The following RNF125 variants were observed in gnomAD, a reference collection of about 807,000 sequenced individuals.
RNF125 encodes E3 ubiquitin-protein ligase RNF125.
Under a neutral mutation model 26.0 loss-of-function variants are expected in RNF125, and 21 were observed. The ratio of observed to expected loss-of-function variants is 0.81; its 90% CI spans 0.57 to 1.16. RNF125 has a LOEUF of 1.16. Among genes scored for constraint, RNF125 ranks in the 50% most tolerant of loss-of-function variants. The pLI, the probability that RNF125 is intolerant of heterozygous loss-of-function variation, is 0.00. For missense variants in RNF125, 270 were observed against 299.4 expected (o/e 0.90, Z 0.72); for synonymous variants, 95 against 109.2 (o/e 0.87, Z 0.81).
At chr18:32,028,016 C>T (rs2039053572) in intron 1 of RNF125, among the ~76,000 whole-genome samples, 1 of 151,768 alleles carries the variant, frequency 6.6e-6, no homozygotes, top group South Asian at 2.1e-4. Flanking sequence ...GGGCAGTAGT[C>T]GGCCGGGCGC....
intron 1 of RNF125, among the ~76,000 whole-genome samples, chr18:32,027,566 C>G (rs1208043559): frequency 1.3e-5 from 2 of 152,014 alleles, no homozygotes; most frequent in Non-Finnish European, 2.9e-5. Flanking sequence ...TTTGACCAGG[C>G]ACTATAGGCA....
At chr18:32,061,091 C>G (rs1488660550) in intron 4 of RNF125, among the ~76,000 whole-genome samples, 1 of 152,156 alleles carries the variant, frequency 6.6e-6, no homozygotes, top group Non-Finnish European at 1.5e-5. Context: ...GTGGTGCGAT[C>G]TCGGCTCACT....
chr18:32,040,188 T>C (rs2039202261), intron 2 of RNF125, among the ~76,000 whole-genome samples: 1 of 151,992 alleles, frequency 6.6e-6, no homozygotes, highest in South Asian at 2.1e-4. Flanking sequence ...GCACTCTCTG[T>C]GTTCTTCAGA....
intron 1 of RNF125, among the ~76,000 whole-genome samples, chr18:32,031,642 A>AT (rs1180425571): frequency 6.6e-6 from 1 of 152,116 alleles, no homozygotes; most frequent in Non-Finnish European, 1.5e-5. Context: ...CATTTGAACC[A>AT]TTTGTCATAA....
rs535458806 is a variant in RNF125, at chr18:32,067,901, C to T, written c.613-397C>T. 1.8e-4 allele frequency among the ~76,000 whole-genome samples: 28 copies of T among 152,286 alleles called. No homozygotes were observed. In the South Asian group the frequency reaches 1.9e-3, roughly 10 times the overall value. ...AAAGTTTTGTTTTTAACATTTTCTT[C>T]AGAAGTAGCCATTCAGTGGTACTGC... On this transcript the variant is annotated intron_variant, in intron 5 of 5. Coordinates refer to ENST00000217740, the MANE Select transcript of RNF125 (RefSeq NM_017831.4).
intron 1 of RNF125, 33 bp downstream of exon 1, chr18:32,019,060 C>T (rs376558869): frequency 3.1e-6 from 5 of 1,604,840 alleles, no homozygotes; most frequent in African/African-American, 1.3e-5. Context: ...TTGCGCCCAC[C>T]CCTAAGGAGG....
intron 1 of RNF125, among the ~76,000 whole-genome samples, chr18:32,025,641 G>A (rs900169358): frequency 1.2e-4 from 16 of 138,790 alleles, no homozygotes; most frequent in Non-Finnish European, 1.7e-4. Context: ...TCTAGCCTGG[G>A]TGACAAGAGT....
At chr18:32,087,832 C>T in the RNF125 span, among the ~76,000 whole-genome samples, 6 of 152,150 alleles carry the variant, frequency 3.9e-5, no homozygotes, top group Non-Finnish European at 8.8e-5. Context: ...GTATTCTTGT[C>T]TTTCCCTCAG....
the RNF125 span, among the ~76,000 whole-genome samples, chr18:32,081,286 A>G: frequency 3.3e-5 from 5 of 152,338 alleles, no homozygotes; most frequent in Non-Finnish European, 7.3e-5. Flanking sequence ...TTTTAAGCAA[A>G]TACCATGGTG....
At chr18:32,036,006 T>C (rs908476933) in intron 1 of RNF125, among the ~76,000 whole-genome samples, 1 of 151,770 alleles carries the variant, frequency 6.6e-6, no homozygotes, top group African/African-American at 2.4e-5. Context: ...CACAAAAAAT[T>C]GGCCAGGCGT....
At chr18:32,033,395 G>A (rs1035184168) in intron 1 of RNF125, among the ~76,000 whole-genome samples, 6 of 151,958 alleles carry the variant, frequency 3.9e-5, no homozygotes. Context: ...GAACATGGTG[G>A]CACATGCATG....
At chr18:32,041,855 C>G in intron 2 of RNF125, 2 of 208,154 alleles carry the variant, frequency 9.6e-6, no homozygotes, top group African/African-American at 2.6e-5. Context: ...TGGTCTCGAT[C>G]TCCTGACCTC....
At chr18:32,023,499 G>C (rs1598806261) in intron 1 of RNF125, among the ~76,000 whole-genome samples, 1 of 152,246 alleles carries the variant, frequency 6.6e-6, no homozygotes, top group Non-Finnish European at 1.5e-5. Context: ...GATTTTGTAA[G>C]GGAACCATAT....
At chr18:32,041,678 T>G (rs2039219765) in intron 2 of RNF125, 1 of 122,238 alleles carries the variant, frequency 8.2e-6, no homozygotes, top group Non-Finnish European at 1.6e-5. Context: ...TCGCCCAGGC[T>G]GGAGTGCAGT....
At chr18:32,081,410 TA>T in the RNF125 span, among the ~76,000 whole-genome samples, 17 of 152,152 alleles carry the variant, frequency 1.1e-4, no homozygotes, top group Non-Finnish European at 1.5e-4. Context: ...ATGAAGTATT[TA>T]AATATAGAGA....
intron 3 of RNF125, among the ~76,000 whole-genome samples, chr18:32,044,179 G>C (rs898506947): frequency 6.6e-6 from 1 of 151,888 alleles, no homozygotes; most frequent in Non-Finnish European, 1.5e-5. Flanking sequence ...GCTAATTTTT[G>C]TGTTTTTAGT....
the RNF125 span, among the ~76,000 whole-genome samples, chr18:32,078,794 T>TGAA: frequency 2.0e-5 from 3 of 152,302 alleles, no homozygotes; most frequent in East Asian, 5.8e-4. Flanking sequence ...GTTTCTAAGG[T>TGAA]TTTAGGAAAT....
chr18:32,028,135 A>G (rs1261238276), intron 1 of RNF125, among the ~76,000 whole-genome samples: 4 of 151,500 alleles, frequency 2.6e-5, no homozygotes, highest in Non-Finnish European at 5.9e-5. Flanking sequence ...CGTCTCTACT[A>G]AAAATACAAA....
At chr18:32,034,068 A>T (rs764035651) in intron 1 of RNF125, among the ~76,000 whole-genome samples, 21 of 152,108 alleles carry the variant, frequency 1.4e-4, no homozygotes, top group Non-Finnish European at 2.5e-4. Context: ...TAGTTATCAC[A>T]GATGCACACA....
Sources: allele counts gnomAD v4.1 joint callset (sites outside exome capture counted in the v4.1 genomes callset), GRCh38; gene constraint gnomAD v4.1.1; transcripts MANE v1.5; gene names NCBI Gene and HGNC (gene_info 2026-07-23, HGNC 2026-07-21).